The following ATF7IP variants were observed in gnomAD, a reference collection of about 807,000 sequenced individuals.
ATF7IP encodes activating transcription factor 7 interacting protein, also known as activating transcription factor 7-interacting protein 1.
ATF7IP carries 23 observed loss-of-function variants against 106.4 expected under a neutral mutation model. The observed-to-expected ratio is 0.22, with a 90% confidence interval of 0.16 to 0.31. The LOEUF (loss-of-function observed/expected upper bound fraction) is 0.31, where lower values mean the gene tolerates loss of function less well. Ranked by LOEUF, ATF7IP falls within the 10% of genes least tolerant of loss-of-function variation. The pLI is 1.00. For synonymous variants in ATF7IP, 542 were observed against 539.0 expected, an observed-to-expected ratio of 1.01 and a Z score of -0.08; for missense variants, 1,334 against 1,524.3, an observed-to-expected ratio of 0.88 and a Z score of 2.08.
chr12:14,486,679 G>A (rs901223426), intron 13 of ATF7IP, among the ~76,000 whole-genome samples: 2 of 152,084 alleles, frequency 1.3e-5, no homozygotes, highest in African/African-American at 2.4e-5. Flanking sequence ...TATACAAGTC[G>A]GACTCTTCTA....
chr12:14,475,996 A>G lies in ATF7IP; in HGVS notation c.2941+28A>G, dbSNP rs1417626166. The G allele has an allele frequency of 2.6e-6, 4 of 1,535,666 alleles. No homozygotes were observed. The South Asian group carries it at 4.5e-5, about 17-fold the overall frequency. On this transcript the variant is annotated intron_variant, in intron 11 of 14. Coordinates refer to ENST00000261168, the MANE Select transcript of ATF7IP (RefSeq NM_018179.5). ...ACTTCAATAGTAATTGTACTAAGCA[A>G]CGTTTTGATACCATTTTTTTTGTCT...
intron 11 of ATF7IP, among the ~76,000 whole-genome samples, chr12:14,477,330 C>T (rs562342671): frequency 3.9e-5 from 6 of 152,228 alleles, no homozygotes; most frequent in Admixed American, 2.6e-4. Context: ...ATCCTTCATC[C>T]GGGTTGAACT....
intron 1 of ATF7IP, among the ~76,000 whole-genome samples, chr12:14,370,183 G>A (rs1938477022): frequency 6.6e-6 from 1 of 152,120 alleles, no homozygotes; most frequent in South Asian, 2.1e-4. Flanking sequence ...TGATCCGTCT[G>A]CCTCGGCCTA....
chr12:14,439,429 T>G (rs1942587994), intron 5 of ATF7IP, among the ~76,000 whole-genome samples: 3 of 152,222 alleles, frequency 2.0e-5, no homozygotes, highest in South Asian at 4.1e-4. Context: ...ACTAGTACTG[T>G]TCAGACTTTT....
intron 9 of ATF7IP, 133 bp from the exon 10 acceptor site, chr12:14,466,393 G>C (rs1943833769): frequency 1.4e-6 from 1 of 700,906 alleles, no homozygotes; most frequent in South Asian, 1.7e-5. Flanking sequence ...CTGTGAATTT[G>C]AGTTTTTATT....
At chr12:14,400,389 G>T (rs1447922536) in intron 1 of ATF7IP, among the ~76,000 whole-genome samples, 1 of 152,090 alleles carries the variant, frequency 6.6e-6, no homozygotes, top group Non-Finnish European at 1.5e-5. Flanking sequence ...CATGAAGACA[G>T]ACTTTGTTAT....
At chr12:14,390,137 T>C (rs919657374) in intron 1 of ATF7IP, among the ~76,000 whole-genome samples, 5 of 152,202 alleles carry the variant, frequency 3.3e-5, no homozygotes, top group Non-Finnish European at 7.3e-5. Flanking sequence ...ACAGTTCCTT[T>C]TAAAGACCTA....
chr12:14,470,160 C>CA (rs1422953597), intron 10 of ATF7IP, among the ~76,000 whole-genome samples: 1 of 152,312 alleles, frequency 6.6e-6, no homozygotes, highest in South Asian at 2.1e-4. Flanking sequence ...GAGAGATGTG[C>CA]AAGGAATGAA....
At chr12:14,435,855 G>T (rs1320739714) in intron 3 of ATF7IP, among the ~76,000 whole-genome samples, 2 of 152,200 alleles carry the variant, frequency 1.3e-5, no homozygotes, top group African/African-American at 4.8e-5. Context: ...TTAGTATGAA[G>T]ATTTCAAGGA....
In ATF7IP at chr12:14,367,867, A is replaced by G. The variant is rs112887626; in HGVS notation, c.-8+2040A>G. The stretch of plus-strand genomic sequence containing the variant: ...TATTAGTACTTTGTCAATAACAAGT[A>G]TATTTTAAAATTTTAGTTTGGTGGT... On this transcript the variant is annotated intron_variant, in intron 1 of 14. Coordinates refer to ENST00000261168, the MANE Select transcript of ATF7IP (RefSeq NM_018179.5). 5.7e-3 allele frequency among the ~76,000 whole-genome samples: 869 copies of G among 152,220 alleles called. 3 individuals are homozygous for G. The highest frequency in any genetic ancestry group is 0.015 in the East Asian group (76 of 5,188).
At chr12:14,432,336 G>A (rs748077675) in intron 2 of ATF7IP, among the ~76,000 whole-genome samples, 1 of 152,100 alleles carries the variant, frequency 6.6e-6, no homozygotes, top group Non-Finnish European at 1.5e-5. Context: ...CTAACAATGA[G>A]TATTAAAATC....
intron 1 of ATF7IP, among the ~76,000 whole-genome samples, chr12:14,406,497 A>G (rs1438986969): frequency 6.6e-6 from 1 of 152,048 alleles, no homozygotes; most frequent in Non-Finnish European, 1.5e-5. Context: ...TGCAATGAGG[A>G]TAACAGTATA....
chr12:14,473,994 T>C (rs1023623904), intron 10 of ATF7IP, among the ~76,000 whole-genome samples: 1 of 152,032 alleles, frequency 6.6e-6, no homozygotes, highest in Non-Finnish European at 1.5e-5. Context: ...AGTTATGATT[T>C]CTTAGTGTTT....
At chr12:14,492,784 T>C (rs997334094) in intron 13 of ATF7IP, among the ~76,000 whole-genome samples, 2 of 152,160 alleles carry the variant, frequency 1.3e-5, no homozygotes, top group Non-Finnish European at 2.9e-5. Context: ...CAACTTAGGA[T>C]CCAGTTATTT....
At chr12:14,463,596 T>C (rs375432958) in intron 9 of ATF7IP, among the ~76,000 whole-genome samples, 2 of 152,244 alleles carry the variant, frequency 1.3e-5, no homozygotes, top group African/African-American at 4.8e-5. Flanking sequence ...TGGAAAGATA[T>C]GAAGTAATGA....
At chr12:14,405,734 T>G (rs1940544198) in intron 1 of ATF7IP, among the ~76,000 whole-genome samples, 1 of 152,124 alleles carries the variant, frequency 6.6e-6, no homozygotes, top group Non-Finnish European at 1.5e-5. Flanking sequence ...AGCTGCCACT[T>G]TAAACTCCTG....
intron 2 of ATF7IP, among the ~76,000 whole-genome samples, chr12:14,429,015 G>C (rs941130526): frequency 6.6e-6 from 1 of 152,178 alleles, no homozygotes; most frequent in South Asian, 2.1e-4. Context: ...CACTAGAGGA[G>C]CTTCATCGCC....
intron 1 of ATF7IP, among the ~76,000 whole-genome samples, chr12:14,398,474 G>GT (rs11285054): frequency 7.8e-4 from 109 of 139,482 alleles, no homozygotes; most frequent in South Asian, 2.0e-3. Flanking sequence ...TAGCCTTGTG[G>GT]TTTTTTTTTT....
chr12:14,398,103 A>G (rs1044218576), intron 1 of ATF7IP, among the ~76,000 whole-genome samples: 10 of 151,912 alleles, frequency 6.6e-5, no homozygotes, highest in South Asian at 4.1e-4. Flanking sequence ...TCTTCCTTGC[A>G]AGGTTTTTTT....
Sources: gnomAD v4.1 joint callset for allele counts (sites outside exome capture counted in the v4.1 genomes callset) on GRCh38, gnomAD v4.1.1 for gene constraint, MANE v1.5 for transcripts, NCBI Gene and HGNC (gene_info 2026-07-23, HGNC 2026-07-21) for gene names.